Variants in CADM2 observed in about 807,000 individuals in gnomAD.
CADM2 encodes the protein immunoglobulin superfamily member 4D.
A neutral mutation model predicts 49.8 loss-of-function variants in CADM2; 12 were observed. The observed-to-expected ratio is 0.24, with a 90% CI of 0.15 to 0.39. The LOEUF is 0.39. Ranked by LOEUF, CADM2 falls within the 10% of genes least tolerant of loss-of-function variation. The probability of loss-of-function intolerance (pLI) is 1.00; values close to 1 mark genes in which losing one functional copy is unlikely to be tolerated. For synonymous variants in CADM2, 214 were observed against 175.4 expected (o/e 1.22, Z -1.74); for missense variants, 378 against 492.3 (o/e 0.77, Z 2.20).
At chr3:85,452,113 T>C (rs528869460) in intron 1 of CADM2, among the ~76,000 whole-genome samples, 2 of 152,162 alleles carry the variant, frequency 1.3e-5, no homozygotes, top group Non-Finnish European at 2.9e-5. Flanking sequence ...TAGCATGTGA[T>C]AGATCCAAAC....
chr3:85,665,944 T>C (rs57967637), intron 1 of CADM2, among the ~76,000 whole-genome samples: 14,679 of 151,918 alleles, frequency 0.097, 948 homozygotes, highest in South Asian at 0.12. Flanking sequence ...AAAGAAGAAG[T>C]CAAATTGTCT....
In CADM2 at chr3:85,058,379, A is replaced by G. The variant is rs778518890; in HGVS notation, c.61+98711A>G. Among the ~76,000 whole-genome samples, 3 of 152,076 alleles carry G rather than the reference A, an allele frequency of 2.0e-5. No homozygotes were observed. The East Asian group carries it at 5.8e-4, about 29-fold the overall frequency. On this transcript the variant is annotated intron_variant, in intron 1 of 9. Transcript: ENST00000383699. The stretch of plus-strand genomic sequence containing the variant: ...TACTTTTGAGTGCACATAGGCAACA[A>G]ATTTTGAGATCTCTTTGATATGTGA...
chr3:85,506,039 G>A (rs890194465), intron 1 of CADM2, among the ~76,000 whole-genome samples: 7 of 152,114 alleles, frequency 4.6e-5, no homozygotes, highest in African/African-American at 1.7e-4. Flanking sequence ...TAAGGCAAAA[G>A]ACAATTAAAA....
intron 1 of CADM2, among the ~76,000 whole-genome samples, chr3:85,351,045 G>A (rs911627318): frequency 9.2e-5 from 14 of 152,036 alleles, no homozygotes; most frequent in African/African-American, 3.4e-4. Context: ...TTATTTAATA[G>A]GCTTACTCTA....
At chr3:85,589,430 C>A (rs1428978724) in intron 1 of CADM2, among the ~76,000 whole-genome samples, 1 of 151,878 alleles carries the variant, frequency 6.6e-6, no homozygotes, top group Non-Finnish European at 1.5e-5. Context: ...GCTGCAGGAC[C>A]ACTTGACCCT....
At chr3:85,855,599 A>T (rs868030873) in intron 3 of CADM2, among the ~76,000 whole-genome samples, 5 of 90,640 alleles carry the variant, frequency 5.5e-5, no homozygotes, top group East Asian at 2.8e-4. Flanking sequence ...TATATATATA[A>T]AACATATATA....
intron 2 of CADM2, among the ~76,000 whole-genome samples, chr3:85,799,129 AG>A (rs1444540017): frequency 6.6e-6 from 1 of 152,144 alleles, no homozygotes; most frequent in Non-Finnish European, 1.5e-5. Context: ...TTGTATCCTG[AG>A]ACTTTGTTGA....
chr3:85,898,782 A>C (rs1715630945), intron 5 of CADM2, among the ~76,000 whole-genome samples: 1 of 150,986 alleles, frequency 6.6e-6, no homozygotes, highest in African/African-American at 2.4e-5. Context: ...ATTTGTGGGT[A>C]CAATTTTGTA....
At chr3:85,136,852 CT>C (rs1016173631) in intron 1 of CADM2, among the ~76,000 whole-genome samples, 1 of 151,864 alleles carries the variant, frequency 6.6e-6, no homozygotes, top group Admixed American at 6.6e-5. Context: ...AACATACTAC[CT>C]TTTGACATTT....
At chr3:85,763,219 T>C (rs371944487) in intron 2 of CADM2, among the ~76,000 whole-genome samples, 2 of 152,310 alleles carry the variant, frequency 1.3e-5, no homozygotes, top group African/African-American at 4.8e-5. Context: ...CTCTGTTCTA[T>C]ATATAAAAAG....
chr3:85,725,602 G>C (rs574207074), intron 1 of CADM2, among the ~76,000 whole-genome samples: 2 of 152,044 alleles, frequency 1.3e-5, no homozygotes, highest in East Asian at 3.9e-4. Flanking sequence ...ATTTTGAACA[G>C]AAGTTTTCCT....
At chr3:84,963,023 G>C (rs183191530) in intron 1 of CADM2, among the ~76,000 whole-genome samples, 1 of 152,252 alleles carries the variant, frequency 6.6e-6, no homozygotes, top group East Asian at 1.9e-4. Context: ...CTGCCAGTTT[G>C]TCCTCATCCT....
At chr3:85,393,245 G>A (rs1291621170) in intron 1 of CADM2, among the ~76,000 whole-genome samples, 1 of 152,082 alleles carries the variant, frequency 6.6e-6, no homozygotes, top group Non-Finnish European at 1.5e-5. Flanking sequence ...GAGTTTAGGT[G>A]TTCAGAACTT....
intron 1 of CADM2, among the ~76,000 whole-genome samples, chr3:85,484,954 A>G (rs1034490180): frequency 1.1e-4 from 16 of 151,954 alleles, no homozygotes; most frequent in African/African-American, 3.6e-4. Context: ...TAGCACAGTA[A>G]TAGTTTTATG....
intron 1 of CADM2, among the ~76,000 whole-genome samples, chr3:84,971,052 T>C (rs1251554644): frequency 6.6e-6 from 1 of 152,082 alleles, no homozygotes; most frequent in African/African-American, 2.4e-5. Flanking sequence ...ATATCTGAAA[T>C]TGGAACTGTG....
rs72907156 is a variant in CADM2 at position 85,151,774 on chromosome 3, C to T, written c.61+192106C>T. On this transcript the variant is annotated intron_variant, in intron 1 of 9. Transcript: ENST00000383699. Reference sequence around the variant, plus strand: ...AGGTGAGGTCAAAGGTAGATTGAGTCAGGTGAGAGTCAATTTCCTGGTTCA... The same window carrying T: ...AGGTGAGGTCAAAGGTAGATTGAGTTAGGTGAGAGTCAATTTCCTGGTTCA... 6.3e-3 allele frequency among the ~76,000 whole-genome samples: 961 copies of T among 152,230 alleles called. 15 individuals carry two copies. The highest frequency in any genetic ancestry group is 0.021 in the African/African-American group (893 of 41,550).
intron 3 of CADM2, among the ~76,000 whole-genome samples, chr3:85,882,841 A>G (rs1210781218): frequency 1.3e-5 from 2 of 152,164 alleles, no homozygotes; most frequent in Non-Finnish European, 2.9e-5. Context: ...AAGTGCCTCT[A>G]CTGCAGAGAG....
At chr3:85,111,334 T>G (rs1201163721) in intron 1 of CADM2, among the ~76,000 whole-genome samples, 1 of 151,844 alleles carries the variant, frequency 6.6e-6, no homozygotes, top group African/African-American at 2.4e-5. Flanking sequence ...AATACTGGCT[T>G]TACTTTGTCA....
chr3:85,369,326 T>C (rs1241619408), intron 1 of CADM2, among the ~76,000 whole-genome samples: 1 of 152,208 alleles, frequency 6.6e-6, no homozygotes, highest in Non-Finnish European at 1.5e-5. Context: ...ACATATATGA[T>C]GGTGGTCCCA....
Sources: gnomAD v4.1 joint callset for allele counts (sites outside exome capture counted in the v4.1 genomes callset) on GRCh38, gnomAD v4.1.1 for gene constraint, MANE v1.5 for transcripts, NCBI Gene and HGNC (gene_info 2026-07-23, HGNC 2026-07-21) for gene names.